Variants in SLFNL1 observed in about 807,000 individuals in gnomAD.
SLFNL1 encodes the protein schlafen-like protein 1.
SLFNL1 carries 26 observed loss-of-function variants against 32.5 expected under a neutral mutation model. That is an observed-to-expected ratio of 0.80 (90% CI 0.59 to 1.11). The LOEUF (loss-of-function observed/expected upper bound fraction) is 1.11, where lower values mean the gene tolerates loss of function less well. SLFNL1 is among the 50% of genes least tolerant of loss of function. The pLI is 0.00. For synonymous variants in SLFNL1, 255 were observed against 242.2 expected (o/e 1.05, Z -0.49); for missense variants, 553 against 546.5 (o/e 1.01, Z -0.12).
rs1263996379 is a variant in SLFNL1, at chr1:41,015,697, A to C, written c.*409T>G. The C allele has an allele frequency of 6.4e-6, 1 of 156,768 alleles. No individual in the cohort carries two copies. Among genetic ancestry groups the C allele is most frequent in the Non-Finnish European group, 1.4e-5 (1 of 71,302 alleles). The allele number at this position is 156,768 out of a possible 1,614,324, so 9.7% of individuals were successfully genotyped here. ...GGCCTCTTGCCCTGTAACCACAGTC[A>C]TCAAATATGCCTCGCCATCTTTGAG... On this transcript the variant is annotated 3_prime_UTR_variant, in exon 6 of 6. Transcript: ENST00000302946.
chr1:41,016,384 C>T (rs1047636221), intron 5 of SLFNL1, 156 bp from the exon 6 acceptor site: 2 of 1,161,116 alleles, frequency 1.7e-6, no homozygotes, highest in Non-Finnish European at 2.4e-6. Flanking sequence ...CTGCTGCCAC[C>T]TTCAACCGTG....
intron 3 of SLFNL1, among the ~76,000 whole-genome samples, chr1:41,018,675 C>G (rs12033892): frequency 6.6e-6 from 1 of 152,076 alleles, no homozygotes; most frequent in Non-Finnish European, 1.5e-5. Flanking sequence ...TCCCCACTTT[C>G]TTCTGCGCCT....
At position 41,020,220 on chromosome 1, in the gene SLFNL1, A is replaced by C. The variant is rs1213215945; in HGVS notation, c.435+6T>G. ...TTGGAGCTTGCTTGGGAAAAGTCCC[A>C]CTTACCTCTCTGTGGCTGAAGGGCC... On this transcript the variant is annotated splice_donor_region_variant and intron_variant, in intron 3 of 5. Transcript: ENST00000302946. The C allele has an allele frequency of 1.9e-6, 3 of 1,575,518 alleles. No homozygotes were observed. The highest frequency in any genetic ancestry group is 4.5e-5 in the East Asian group (2 of 44,494).
At chr1:41,016,377 C>T in intron 5 of SLFNL1, 149 bp from the exon 6 acceptor site, 1 of 1,213,396 alleles carries the variant, frequency 8.2e-7, no homozygotes, top group Non-Finnish European at 1.1e-6. Context: ...CCTCGGCCTG[C>T]TGCCACCTTC....
rs1164979440 is a variant in SLFNL1, at chr1:41,015,675, C to T, written c.*431G>A. ...TCAGGGGTGGGGGCTGCAGGGTGGC[C>T]TCTTGCCCTGTAACCACAGTCATCA... On this transcript the variant is annotated 3_prime_UTR_variant, in exon 6 of 6. Coordinates refer to ENST00000302946, the MANE Select transcript of SLFNL1 (RefSeq NM_144990.4). 1.3e-5 allele frequency: 2 copies of T among 154,370 alleles called. No individual in the cohort carries two copies. Among genetic ancestry groups the T allele is most frequent in the East Asian group, 3.8e-4 (2 of 5,278 alleles). 9.6% of individuals were successfully genotyped at this position (154,370 alleles called of 1,614,324 possible). A position where few individuals can be genotyped will look rare whatever the true frequency, so the allele number is the denominator to read the frequency against.
rs778168465 is a variant in SLFNL1, at chr1:41,020,225, CCT to C, written c.434_435del (p.Glu145GlyfsTer33). The C allele has an allele frequency of 1.1e-5, 17 of 1,580,702 alleles. No individual in the cohort carries two copies. In the Admixed American group the frequency reaches 2.4e-4, roughly 23 times the overall value. ...GCTTGCTTGGGAAAAGTCCCACTTA[CCT>C]CTCTGTGGCTGAAGGGCCCTTGGGC... ...SEAQGPFSHR[E>X]EKEEEEEDSG... is the part of the protein sequence containing the mutation. On this transcript the variant is annotated frameshift_variant and splice_region_variant, in exon 3 of 6. Transcript: ENST00000302946. LOFTEE classifies it high-confidence loss of function.
In SLFNL1 at chr1:41,017,980, C is replaced by T. The variant is rs750588926; in HGVS notation, c.612G>A (p.Gln204=). 1 of 1,610,358 alleles carries T rather than the reference C, an allele frequency of 6.2e-7. No individual in the cohort carries two copies. Among genetic ancestry groups the T allele is most frequent in the Admixed American group, 1.7e-5 (1 of 59,652 alleles). The change falls in exon 4 of 6, where the codon CAG becomes CAA. Residue 204 remains glutamine (Q), a synonymous_variant. Transcript: ENST00000302946. The surrounding 1 kb of genome is among the most constrained non-coding windows in gnomAD (Gnocchi z 4.9). ...GVCSDSAIVH[Q]QIVGKDQLFQ... is the part of the protein sequence containing the mutation. ...AGAGCTGGTCCTTGCCCACGATCTG[C>T]TGGTGCACAATGGCACTGTCGGAGC...
chr1:41,019,074 C>T (rs1002944678), intron 3 of SLFNL1, among the ~76,000 whole-genome samples: 5 of 151,808 alleles, frequency 3.3e-5, no homozygotes, highest in African/African-American at 9.7e-5. Flanking sequence ...GTGATCTGCC[C>T]GCCTCAGCCT....
chr1:41,020,714 T>C lies in SLFNL1; in HGVS notation c.-54A>G, dbSNP rs539529193. 1.9e-5 allele frequency: 29 copies of C among 1,538,800 alleles called. No homozygotes were observed. In the African/African-American group the frequency reaches 3.7e-4, roughly 19 times the overall value. ...AGGATTCCTCACTGCTGGCTGCTTC[T>C]CCCAGGGTCTGTGTTCTCAGTGTGG... On this transcript the variant is annotated 5_prime_UTR_variant, in exon 3 of 6. Transcript: ENST00000302946.
chr1:41,020,893 C>T (rs1259367244), intron 1 of SLFNL1, 23 bp from the exon 2 acceptor site: 10 of 566,242 alleles, frequency 1.8e-5, no homozygotes, highest in Middle Eastern at 4.6e-4. Flanking sequence ...AGCAGAGTCA[C>T]GTGGACTGAG....
chr1:41,018,010 G>A lies in SLFNL1; in HGVS notation c.582C>T (p.Gly194=), dbSNP rs1033489020. The A allele has an allele frequency of 4.4e-6, 7 of 1,602,798 alleles. No individual in the cohort carries two copies. The highest frequency in any genetic ancestry group is 2.2e-5 in the South Asian group (2 of 89,766). ...GCACAATGGCACTGTCGGAGCACAC[G>A]CCGCTGGGCCGGCCCTGGCAGCTCT... The part of the protein sequence containing the change: ...QLQSCQGRPS[G]VCSDSAIVHQ... Residue 194 remains glycine, a synonymous_variant, in exon 4 of 6, where the codon GGC becomes GGT. Transcript: ENST00000302946.
At position 41,017,267 on chromosome 1, in the gene SLFNL1, C is replaced by A. The variant is rs779572917; in HGVS notation, c.1068G>T (p.Leu356=). Residue 356 remains leucine, a synonymous_variant, in exon 5 of 6, where the codon CTG becomes CTT. Coordinates refer to ENST00000302946, the MANE Select transcript of SLFNL1 (RefSeq NM_144990.4). The surrounding 1 kb of genome is among the most constrained non-coding windows in gnomAD (Gnocchi z 4.9). ...ACCACTCCTGGATGGCGCTGGCAGA[C>A]AGCGGGCCCTGGATGCTCCCGTCGC... ...LRRDGSIQGP[L]SASAIQEWCR... 6.2e-7 allele frequency: 1 copy of A among 1,602,940 alleles called. No individual in the cohort carries two copies. The highest frequency in any genetic ancestry group is 8.5e-7 in the Non-Finnish European group (1 of 1,175,848).
Position 41,020,261 on chromosome 1 carries a change from A to T in SLFNL1, c.400T>A (p.Leu134Met), listed in dbSNP as rs61734920. Residue 134 changes from leucine to methionine, a missense_variant, in exon 3 of 6, where the codon TTG (leucine) becomes ATG (methionine). Transcript: ENST00000302946. ...CTGAAGGGCCCTTGGGCCTCACTCA[A>T]TAGCAGGTCCTTCCCACGGGCTGCC... ...ELAARGKDLL[L>M]SEAQGPFSHR... 2 of 1,609,752 alleles carry T rather than the reference A, an allele frequency of 1.2e-6. No individual in the cohort carries two copies. The highest frequency in any genetic ancestry group is 3.3e-5 in the Admixed American group (2 of 59,832).
chr1:41,020,814 GC>G, intron 2 of SLFNL1, 36 bp from the exon 3 acceptor site: 1 of 683,708 alleles, frequency 1.5e-6, no homozygotes, highest in Non-Finnish European at 2.4e-6. Flanking sequence ...ACTGGGCAGG[GC>G]CAGAGAGAGG....
In SLFNL1 at chr1:41,017,971, C is replaced by T; in HGVS notation, c.621G>A (p.Val207=). 6.2e-7 allele frequency: 1 copy of T among 1,610,992 alleles called. No homozygotes were observed. Among genetic ancestry groups the T allele is most frequent in the East Asian group, 2.2e-5 (1 of 44,764 alleles). Reference sequence around the variant, plus strand: ...CACCCTGGAAGAGCTGGTCCTTGCCCACGATCTGCTGGTGCACAATGGCAC... The same window carrying T: ...CACCCTGGAAGAGCTGGTCCTTGCCTACGATCTGCTGGTGCACAATGGCAC... The part of the protein sequence containing the change: ...SDSAIVHQQI[V]GKDQLFQGAF... The change falls in exon 4 of 6, where the codon GTG becomes GTA. Residue 207 remains valine, a synonymous_variant. Transcript: ENST00000302946. The surrounding 1 kb of genome is among the most constrained non-coding windows in gnomAD (Gnocchi z 4.9).
Position 41,017,825 on chromosome 1 carries a change from C to T in SLFNL1, c.767G>A (p.Gly256Asp). The T allele has an allele frequency of 6.3e-7, 1 of 1,597,968 alleles. No homozygotes were observed. The highest frequency in any genetic ancestry group is 8.6e-7 in the Non-Finnish European group (1 of 1,168,634). ...YVCAFLNSEG[G>D]SLLVGVEDSG... ...GTCCTCTACTCCCACGAGCAGGCTGCCGCCCTCGCTGTTGAGGAAGGCGCA... is the reference window on the plus strand; with the variant it reads ...GTCCTCTACTCCCACGAGCAGGCTGTCGCCCTCGCTGTTGAGGAAGGCGCA... Residue 256 changes from glycine (G) to aspartate (D), a missense_variant, in exon 4 of 6, where the codon GGC (glycine) becomes GAC (aspartate). Transcript: ENST00000302946. The surrounding 1 kb of genome is among the most constrained non-coding windows in gnomAD (Gnocchi z 4.9).
rs139524225 is a variant in SLFNL1, at chr1:41,020,524, G to A, written c.137C>T (p.Ala46Val). 575 of 1,613,384 alleles carry A rather than the reference G, an allele frequency of 3.6e-4. No homozygotes were observed. The highest frequency in any genetic ancestry group is 4.7e-4 in the Non-Finnish European group (551 of 1,180,044). The change falls in exon 3 of 6, where the codon GCG becomes GTG. Residue 46 changes from alanine (A) to valine (V), a missense_variant. Coordinates refer to ENST00000302946, the MANE Select transcript of SLFNL1 (RefSeq NM_144990.4). ...CAGATGGCCCACATAGAGAGTGTGC[G>A]CCGAGGGAGCCTCCTCGAGGTCAGA... ...EYSDLEEAPSAHTLYVGHLNP... is the reference protein window; with the variant it reads ...EYSDLEEAPSVHTLYVGHLNP...
rs781717526 is a variant in SLFNL1, at chr1:41,016,081, C to G, written c.*25G>C. On this transcript the variant is annotated 3_prime_UTR_variant, in exon 6 of 6. Transcript: ENST00000302946. ...TGGGTCTCAGGTGGAGAGTGCCGTGCCGTCCTGCCTGCTCCCCAGGGCCCT... is the reference window on the plus strand; with the variant it reads ...TGGGTCTCAGGTGGAGAGTGCCGTGGCGTCCTGCCTGCTCCCCAGGGCCCT... The G allele has an allele frequency of 6.2e-7, 1 of 1,603,170 alleles. No individual in the cohort carries two copies. The highest frequency in any genetic ancestry group is 8.5e-7 in the Non-Finnish European group (1 of 1,173,986).
At position 41,017,038 on chromosome 1, in the gene SLFNL1, G is replaced by C; in HGVS notation, c.1101+196C>G. 1.7e-6 allele frequency: 1 copy of C among 593,850 alleles called. No homozygotes were observed. The highest frequency in any genetic ancestry group is 2.8e-6 in the Non-Finnish European group (1 of 359,960). The allele number at this position is 593,850 out of a possible 1,614,324, so 36.8% of individuals were successfully genotyped here. On this transcript the variant is annotated intron_variant, in intron 5 of 5. Coordinates refer to ENST00000302946, the MANE Select transcript of SLFNL1 (RefSeq NM_144990.4). The surrounding 1 kb of genome is among the most constrained non-coding windows in gnomAD (Gnocchi z 4.9). ...ATAGATTTTTAAAAGGAGAGAGCTTGGGCCTCTTCCTTCCCACCAGCCACC... is the reference window on the plus strand; with the variant it reads ...ATAGATTTTTAAAAGGAGAGAGCTTCGGCCTCTTCCTTCCCACCAGCCACC...
Sources: allele counts gnomAD v4.1 joint callset (sites outside exome capture counted in the v4.1 genomes callset), GRCh38; gene constraint gnomAD v4.1.1; non-coding constraint Gnocchi (gnomAD v3.1); transcripts MANE v1.5; gene names NCBI Gene and HGNC (gene_info 2026-07-23, HGNC 2026-07-21).